IPO7: variants seen among roughly 807,000 people sequenced by gnomAD.
IPO7 encodes the protein importin-7.
A neutral mutation model predicts 136.4 loss-of-function variants in IPO7; 13 were observed. The observed-to-expected ratio is 0.10, with a 90% confidence interval of 0.06 to 0.15. The LOEUF is 0.15. Among genes scored for constraint, IPO7 ranks in the 10% least tolerant of loss-of-function variants. The pLI is 1.00. For missense variants in IPO7, 857 were observed against 1,240.6 expected (o/e 0.69, Z 4.65); for synonymous variants, 403 against 404.4 (o/e 1.00, Z 0.04).
intron 8 of IPO7, among the ~76,000 whole-genome samples, chr11:9,421,963 C>G (rs551876100): frequency 2.4e-4 from 36 of 150,130 alleles, no homozygotes; most frequent in African/African-American, 8.3e-4. Flanking sequence ...AAAACTTGTT[C>G]TATAAGAATA....
chr11:9,429,930 A>G (rs903572008), intron 15 of IPO7, 96 bp downstream of exon 15: 7 of 846,608 alleles, frequency 8.3e-6, no homozygotes, highest in Non-Finnish European at 1.2e-5. Context: ...ACCTTATAGC[A>G]GTCAACCTTT....
At chr11:9,444,433 G>T (rs911286299) in intron 24 of IPO7, among the ~76,000 whole-genome samples, 1 of 151,338 alleles carries the variant, frequency 6.6e-6, no homozygotes, top group Non-Finnish European at 1.5e-5. Context: ...GTGCAATCTC[G>T]GCTCACTGCC....
intron 13 of IPO7, 66 bp from the exon 14 acceptor site, chr11:9,428,965 A>C: frequency 2.2e-6 from 3 of 1,383,066 alleles, no homozygotes; most frequent in East Asian, 2.3e-5. Context: ...AACTCAGGGA[A>C]TAGAGATTAG....
intron 1 of IPO7, among the ~76,000 whole-genome samples, chr11:9,396,796 G>A (rs149776708): frequency 2.0e-5 from 3 of 151,988 alleles, no homozygotes; most frequent in Non-Finnish European, 2.9e-5. Context: ...TGTATGTATC[G>A]ATAAGACACA....
chr11:9,414,472 A>T, intron 5 of IPO7, 61 bp downstream of exon 5: 1 of 1,073,466 alleles, frequency 9.3e-7, no homozygotes. Flanking sequence ...CCGTGTTAAA[A>T]ATTAACAAAG....
In IPO7 at chr11:9,391,636, A is replaced by G. The variant is rs550877081; in HGVS notation, c.84+6789A>G. The stretch of plus-strand genomic sequence containing the variant: ...GCAGAATGGCATGAACCTGGGAGGC[A>G]GAGCTTGCGGTGAGCAGAGATCACA... On this transcript the variant is annotated intron_variant, in intron 1 of 24. Coordinates refer to ENST00000379719, the MANE Select transcript of IPO7 (RefSeq NM_006391.3). Among the ~76,000 whole-genome samples, 75 of 152,304 alleles carry G rather than the reference A, an allele frequency of 4.9e-4. 3 individuals are homozygous for G. The highest frequency in any genetic ancestry group is 6.8e-3 in the Middle Eastern group (2 of 294).
In IPO7 at chr11:9,437,774, A is replaced by T. The variant is rs1252197622; in HGVS notation, c.2289A>T (p.Glu763Asp). The change falls in exon 21 of 25, where the codon GAA becomes GAT. Residue 763 changes from glutamate (E) to aspartate (D), a missense_variant. By Grantham distance (45) the Glu-to-Asp change is conservative. This residue lies in a region of IPO7 where 190 missense variants were observed against 249.0 expected (regional missense o/e 0.76). Coordinates refer to ENST00000379719, the MANE Select transcript of IPO7 (RefSeq NM_006391.3). ...GIDQCIPLFVEAALERLTREV... is the reference protein window; with the variant it reads ...GIDQCIPLFVDAALERLTREV... ...TGTAGTGCATTCCCTTATTCGTGGA[A>T]GCAGCCTTAGAAAGACTGACAAGAG... is the stretch of plus-strand genomic sequence containing the variant. The T allele has an allele frequency of 6.2e-7, 1 of 1,613,412 alleles. No individual in the cohort carries two copies.
intron 6 of IPO7, 144 bp from the exon 7 acceptor site, chr11:9,420,267 A>C (rs1855108116): frequency 1.7e-6 from 1 of 574,214 alleles, no homozygotes. Flanking sequence ...CAGTGAGCTG[A>C]GATGGCAATA....
intron 8 of IPO7, among the ~76,000 whole-genome samples, chr11:9,422,677 G>T (rs1018166416): frequency 6.6e-6 from 1 of 152,080 alleles, no homozygotes; most frequent in Admixed American, 6.6e-5. Context: ...GTTAGGTGTG[G>T]TGACTTACAC....
At chr11:9,414,041 A>G (rs1229383456) in intron 4 of IPO7, among the ~76,000 whole-genome samples, 4 of 151,668 alleles carry the variant, frequency 2.6e-5, no homozygotes, top group Non-Finnish European at 5.9e-5. Context: ...AAGATTATTG[A>G]CCTCATAATA....
intron 16 of IPO7, among the ~76,000 whole-genome samples, chr11:9,431,662 C>T (rs11042350): frequency 0.42 from 64,263 of 151,900 alleles, 14,257 homozygotes; most frequent in Non-Finnish European, 0.5. Context: ...TTTTAAATAA[C>T]TCCATTTTTT....
intron 6 of IPO7, 43 bp downstream of exon 6, chr11:9,417,191 T>G (rs767069316): frequency 4.1e-5 from 35 of 853,464 alleles, no homozygotes; most frequent in Non-Finnish European, 5.4e-5. Flanking sequence ...ATGTAAATAT[T>G]TAATGATCTT....
rs1855169207 is a variant in IPO7, at chr11:9,423,970, C to T, written c.1141+94C>T. ...CAACCTAGGGGGTATTATGTATCTT[C>T]TTTGTTGTTTTAATGTAATTGATCC... On this transcript the variant is annotated intron_variant, in intron 10 of 24. Coordinates refer to ENST00000379719, the MANE Select transcript of IPO7 (RefSeq NM_006391.3). The T allele has an allele frequency of 3.1e-5, 21 of 668,352 alleles. No homozygotes were observed. The East Asian group carries it at 5.7e-4, about 18-fold the overall frequency. The allele number at this position is 668,352 out of a possible 1,614,324, so 41.4% of individuals were successfully genotyped here.
intron 2 of IPO7, among the ~76,000 whole-genome samples, chr11:9,407,753 A>T (rs191821190): frequency 8.5e-5 from 13 of 152,314 alleles, no homozygotes; most frequent in African/African-American, 3.1e-4. Flanking sequence ...TGCAGAATTT[A>T]AGAATTAATT....
At chr11:9,428,746 C>G in intron 13 of IPO7, 117 bp downstream of exon 13, 1 of 799,726 alleles carries the variant, frequency 1.3e-6, no homozygotes, top group Non-Finnish European at 2.3e-6. Context: ...TTTTAGGTTT[C>G]TGTTTAATGT....
intron 1 of IPO7, 57 bp from the exon 2 acceptor site, chr11:9,403,233 G>A: frequency 8.4e-7 from 1 of 1,193,022 alleles, no homozygotes; most frequent in Non-Finnish European, 1.2e-6. Context: ...TCTTTGATCT[G>A]TAATTTTAAA....
At position 9,403,117 on chromosome 11, in the gene IPO7, C is replaced by T. The variant is rs1054049542; in HGVS notation, c.85-173C>T. ...ATCCAAAAAGTTTTAGAATTTAAGT[C>T]ATCAAATTCCTTAAAGTTCAATATA... On this transcript the variant is annotated intron_variant, in intron 1 of 24. Transcript: ENST00000379719. The T allele has an allele frequency of 5.2e-5, 33 of 629,510 alleles. No individual in the cohort carries two copies. In the South Asian group the frequency reaches 5.5e-4, roughly 10 times the overall value. 39.0% of individuals were successfully genotyped at this position (629,510 alleles called of 1,614,324 possible). A position where few individuals can be genotyped will look rare whatever the true frequency, so the allele number is the denominator to read the frequency against.
intron 1 of IPO7, among the ~76,000 whole-genome samples, chr11:9,391,384 C>A (rs1008599587): frequency 2.0e-5 from 3 of 150,648 alleles, no homozygotes; most frequent in African/African-American, 7.3e-5. Flanking sequence ...GGCAACAGTG[C>A]AAGACTCTGC....
chr11:9,445,402 A>G lies in IPO7; in HGVS notation c.*208A>G. ...GATTTTGGGGGTGGGGGGGGATGGG[A>G]GGTACCTTAGAGGGAGTATTTTCTT... On this transcript the variant is annotated 3_prime_UTR_variant, in exon 25 of 25. Transcript: ENST00000379719. 1 of 383,602 alleles carries G rather than the reference A, an allele frequency of 2.6e-6. No homozygotes were observed. Among genetic ancestry groups the G allele is most frequent in the Non-Finnish European group, 4.7e-6 (1 of 212,500 alleles). The allele number at this position is 383,602 out of a possible 1,614,324, so 23.8% of individuals were successfully genotyped here. A position where few individuals can be genotyped will look rare whatever the true frequency, so the allele number is the denominator to read the frequency against.
Sources: gnomAD v4.1 joint callset for allele counts (sites outside exome capture counted in the v4.1 genomes callset) on GRCh38, gnomAD v4.1.1 for gene constraint, gnomAD v4.1.1 regional missense constraint, MANE v1.5 for transcripts, NCBI Gene and HGNC (gene_info 2026-07-23, HGNC 2026-07-21) for gene names.